Variants in GSPT1 observed in about 807,000 individuals in gnomAD.
GSPT1 encodes the protein G1 to S phase transition 1.
Under a neutral mutation model 72.5 loss-of-function variants are expected in GSPT1, and 20 were observed. The ratio of observed to expected loss-of-function variants is 0.28; its 90% CI spans 0.19 to 0.40. The LOEUF (loss-of-function observed/expected upper bound fraction) is 0.40, where lower values mean the gene tolerates loss of function less well. GSPT1 is among the 10% of genes least tolerant of loss of function. The pLI is 1.00. For synonymous variants in GSPT1, 334 were observed against 293.5 expected (o/e 1.14, Z -1.41); for missense variants, 580 against 811.9 (o/e 0.71, Z 3.47).
chr16:11,909,208 T>C (rs960606811), intron 1 of GSPT1, among the ~76,000 whole-genome samples: 2 of 145,228 alleles, frequency 1.4e-5, no homozygotes, highest in Non-Finnish European at 2.9e-5. Context: ...TTCTTCTCTC[T>C]TTGAAAGTAG....
chr16:11,898,367 T>C (rs2141304592), intron 1 of GSPT1, among the ~76,000 whole-genome samples: 2 of 152,174 alleles, frequency 1.3e-5, no homozygotes, highest in Middle Eastern at 3.4e-3. Flanking sequence ...AAATTAGAGA[T>C]GTGCTCAACA....
Position 11,913,766 on chromosome 16 carries a change from T to C in GSPT1, c.352+1603A>G, listed in dbSNP as rs537346516. 7.2e-5 allele frequency among the ~76,000 whole-genome samples: 11 copies of C among 152,330 alleles called. No homozygotes were observed. The South Asian group carries it at 2.1e-3, about 29-fold the overall frequency. ...AGGTTAGGCAGTCAAAATGGCTTGA[T>C]GTAAGTCAAGAATTACAAGCTAAGC... On this transcript the variant is annotated intron_variant, in intron 1 of 14. Transcript: ENST00000434724.
chr16:11,904,396 G>A (rs1047803228), intron 1 of GSPT1, among the ~76,000 whole-genome samples: 1 of 151,966 alleles, frequency 6.6e-6, no homozygotes, highest in Admixed American at 6.6e-5. Context: ...TAGAGATGGG[G>A]TTTCACCATG....
At position 11,886,352 on chromosome 16, in the gene GSPT1, C is replaced by G. The variant is rs1029096907; in HGVS notation, c.1253+119G>C. The G allele has an allele frequency of 3.4e-5, 21 of 616,918 alleles. No individual in the cohort carries two copies. In the African/African-American group the frequency reaches 3.9e-4, roughly 11 times the overall value. 38.2% of individuals were successfully genotyped at this position (616,918 alleles called of 1,614,324 possible). A position where few individuals can be genotyped will look rare whatever the true frequency, so the allele number is the denominator to read the frequency against. On this transcript the variant is annotated intron_variant, in intron 9 of 14. Transcript: ENST00000434724. ...TTACATTTAATATTTTCTTAAATTACTTATAAAGATATATGCTCAAAAGCA... is the reference window on the plus strand; with the variant it reads ...TTACATTTAATATTTTCTTAAATTAGTTATAAAGATATATGCTCAAAAGCA...
chr16:11,916,029 C>T (rs1028700711), upstream of GSPT1: 2 of 648,872 alleles, frequency 3.1e-6, no homozygotes, highest in Middle Eastern at 2.6e-4. Flanking sequence ...TGACCCCTCG[C>T]CGCCACCCGT....
intron 5 of GSPT1, among the ~76,000 whole-genome samples, chr16:11,892,032 T>C (rs972268721): frequency 6.6e-6 from 1 of 151,990 alleles, no homozygotes; most frequent in African/African-American, 2.4e-5. Context: ...GGAAAAAGGA[T>C]ATTTACAGTC....
chr16:11,909,040 C>G (rs550747918), intron 1 of GSPT1: 5 of 151,172 alleles, frequency 3.3e-5, no homozygotes, highest in Admixed American at 1.3e-4. Flanking sequence ...TACTGGAGTT[C>G]TACAGAAATA....
intron 1 of GSPT1, among the ~76,000 whole-genome samples, chr16:11,904,461 T>C (rs1264553402): frequency 2.6e-5 from 4 of 152,022 alleles, no homozygotes; most frequent in East Asian, 1.9e-4. Context: ...CTTGGCCTCC[T>C]AAAGTGCTGG....
chr16:11,869,928 G>T lies in GSPT1; in HGVS notation c.*3191C>A, dbSNP rs749832469. ...AAGTCTAACCCAAAATATTCGCAGC[G>T]TATCAGCTGAGAGGATGCCGGCAAC... is the stretch of plus-strand genomic sequence containing the variant. On this transcript the variant is annotated 3_prime_UTR_variant, in exon 15 of 15. Transcript: ENST00000434724. The T allele has an allele frequency of 6.6e-6, 1 of 152,268 alleles. No homozygotes were observed. Among genetic ancestry groups the T allele is most frequent in the East Asian group, 1.9e-4 (1 of 5,192 alleles). The allele number at this position is 152,268 out of a possible 1,614,324, so 9.4% of individuals were successfully genotyped here.
intron 1 of GSPT1, among the ~76,000 whole-genome samples, chr16:11,899,979 C>T (rs2054385283): frequency 6.6e-6 from 1 of 152,068 alleles, no homozygotes; most frequent in African/African-American, 2.4e-5. Context: ...GAACTCCTGG[C>T]GTATTCAACA....
chr16:11,909,009 T>C (rs755628162), intron 1 of GSPT1: 9 of 151,698 alleles, frequency 5.9e-5, no homozygotes, highest in Admixed American at 2.6e-4. Context: ...CTAAAGGCAA[T>C]GGACAAGTAG....
At position 11,875,993 on chromosome 16, in the gene GSPT1, G is replaced by C. The variant is rs989103655; in HGVS notation, c.1693-64C>G. ...CAAATAAAATAATCTTTAAGAACAG[G>C]TGTAGAAATAAAAGTGCATCACTGT... On this transcript the variant is annotated intron_variant, in intron 13 of 14. Transcript: ENST00000434724. 5.3e-6 allele frequency: 8 copies of C among 1,512,880 alleles called. No individual in the cohort carries two copies. The African/African-American group carries it at 1.1e-4, about 21-fold the overall frequency. 93.7% of individuals were successfully genotyped at this position (1,512,880 alleles called of 1,614,324 possible).
At chr16:11,891,881 G>C (rs71385105) in intron 5 of GSPT1, among the ~76,000 whole-genome samples, 1 of 150,906 alleles carries the variant, frequency 6.6e-6, no homozygotes, top group African/African-American at 2.4e-5. Flanking sequence ...GGCTGGTCTC[G>C]AACTCCTGAC....
In GSPT1 at chr16:11,886,839, T is replaced by A; in HGVS notation, c.1050A>T (p.Val350=). The A allele has an allele frequency of 6.2e-7, 1 of 1,612,316 alleles. No homozygotes were observed. The highest frequency in any genetic ancestry group is 1.1e-5 in the South Asian group (1 of 91,054). ...TATTAATTAGCACAATTAGGTGTTT[T>A]ACACCTGCTGTCTTTGCCAACATTG... The part of the protein sequence containing the change: ...EHAMLAKTAG[V]KHLIVLINKM... The change falls in exon 8 of 15, where the codon GTA becomes GTT. Residue 350 remains valine (V), a synonymous_variant. Coordinates refer to ENST00000434724, the MANE Select transcript of GSPT1 (RefSeq NM_002094.4).
chr16:11,887,338 G>A (rs575243294), intron 7 of GSPT1, among the ~76,000 whole-genome samples: 3 of 152,190 alleles, frequency 2.0e-5, no homozygotes, highest in African/African-American at 7.2e-5. Context: ...ACTAAGTTCT[G>A]ACATGGTAAT....
At chr16:11,902,820 C>T (rs1412305281) in intron 1 of GSPT1, among the ~76,000 whole-genome samples, 2 of 151,992 alleles carry the variant, frequency 1.3e-5, no homozygotes, top group Non-Finnish European at 2.9e-5. Flanking sequence ...CTCCTGACCT[C>T]ATGTGATCTG....
At position 11,887,678 on chromosome 16, in the gene GSPT1, G is replaced by T. The variant is rs763356454; in HGVS notation, c.849C>A (p.Ala283=). The change falls in exon 7 of 15, where the codon GCC becomes GCA. Residue 283 remains alanine (A), a synonymous_variant. Transcript: ENST00000434724. Reference sequence around the variant, plus strand: ...AATGCTTCTTTTCGGTTTCAAAATAGGCACGACCCACTTCTACTGTTTTAC... The same window carrying T: ...AATGCTTCTTTTCGGTTTCAAAATATGCACGACCCACTTCTACTGTTTTAC... The part of the protein sequence containing the change: ...DKGKTVEVGR[A]YFETEKKHFT... The T allele has an allele frequency of 6.2e-7, 1 of 1,613,296 alleles. No homozygotes were observed. Among genetic ancestry groups the T allele is most frequent in the Non-Finnish European group, 8.5e-7 (1 of 1,179,340 alleles).
intron 6 of GSPT1, among the ~76,000 whole-genome samples, chr16:11,889,383 G>GT (rs1329308907): frequency 7.3e-6 from 1 of 136,730 alleles, no homozygotes; most frequent in Non-Finnish European, 1.5e-5. Flanking sequence ...CTCTGGCCAG[G>GT]TTGGAGTGCA....
chr16:11,874,982 G>C (rs1481096167), intron 14 of GSPT1, among the ~76,000 whole-genome samples: 1 of 152,190 alleles, frequency 6.6e-6, no homozygotes, highest in Admixed American at 6.5e-5. Context: ...ACGAGGTCAG[G>C]AGATCAAGAC....
Sources: allele counts gnomAD v4.1 joint callset (sites outside exome capture counted in the v4.1 genomes callset), GRCh38; gene constraint gnomAD v4.1.1; transcripts MANE v1.5; gene names NCBI Gene and HGNC (gene_info 2026-07-23, HGNC 2026-07-21).